The following ZNF527 variants were observed in gnomAD, a reference collection of about 807,000 sequenced individuals.
The protein encoded by ZNF527 is zinc finger protein 527.
In ZNF527, 5 loss-of-function variants were observed where a neutral mutation model predicts 13.5. The observed-to-expected ratio is 0.37, with a 90% CI of 0.19 to 0.78. The LOEUF is 0.78. Among genes scored for constraint, ZNF527 ranks in the 30% least tolerant of loss-of-function variants. The probability of loss-of-function intolerance (pLI) is 0.48; values close to 1 mark genes in which losing one functional copy is unlikely to be tolerated. For missense variants in ZNF527, 628 were observed against 726.4 expected (o/e 0.86, Z 1.56); for synonymous variants, 209 against 243.1 (o/e 0.86, Z 1.30).
intron 2 of ZNF527, among the ~76,000 whole-genome samples, chr19:37,375,317 T>TTCTTTTCTC (rs1568691593): frequency 6.8e-5 from 10 of 146,168 alleles, no homozygotes; most frequent in Non-Finnish European, 1.2e-4. Context: ...TTTCTTTTCT[T>TTCTTTTCTC]TCTTTCTTTC....
At chr19:37,385,970 A>G (rs1478458955) in intron 4 of ZNF527, among the ~76,000 whole-genome samples, 2 of 151,984 alleles carry the variant, frequency 1.3e-5, no homozygotes, top group African/African-American at 4.8e-5. Context: ...TGAGATGTAT[A>G]AGATAGTTCT....
At chr19:37,380,724 G>A (rs1392217318) in intron 4 of ZNF527, among the ~76,000 whole-genome samples, 1 of 152,034 alleles carries the variant, frequency 6.6e-6, no homozygotes, top group African/African-American at 2.4e-5. Context: ...TTAGGTTGGT[G>A]CAAAAATAAT....
At chr19:37,377,224 A>G (rs2040615458) in intron 2 of ZNF527, among the ~76,000 whole-genome samples, 1 of 152,192 alleles carries the variant, frequency 6.6e-6, no homozygotes, top group South Asian at 2.1e-4. Flanking sequence ...TTGGTAGTAA[A>G]AGGGAGAGAG....
chr19:37,382,669 C>T (rs1321802976), intron 4 of ZNF527, among the ~76,000 whole-genome samples: 1 of 152,118 alleles, frequency 6.6e-6, no homozygotes, highest in Non-Finnish European at 1.5e-5. Context: ...AGTCAAAATA[C>T]TATTTCCAAA....
In ZNF527 at chr19:37,374,247, C is replaced by A. The variant is rs771406273; in HGVS notation, c.33+16C>A. On this transcript the variant is annotated intron_variant, in intron 2 of 4. Transcript: ENST00000436120. ...CATGTCCCAGGTAAGCATGCTCTTT[C>A]ACTTTGTTTTCAGACATTTGACCTC... 1.2e-6 allele frequency: 2 copies of A among 1,613,772 alleles called. No homozygotes were observed. Among genetic ancestry groups the A allele is most frequent in the Non-Finnish European group, 1.7e-6 (2 of 1,179,804 alleles).
Position 37,392,660 on chromosome 19 carries a change from G to C in ZNF527, c.*2781G>C, listed in dbSNP as rs746701425. 1 of 152,156 alleles carries C rather than the reference G, an allele frequency of 6.6e-6. No individual in the cohort carries two copies. Among genetic ancestry groups the C allele is most frequent in the Admixed American group, 6.5e-5 (1 of 15,272 alleles). The allele number at this position is 152,156 out of a possible 1,614,324, so 9.4% of individuals were successfully genotyped here. A position where few individuals can be genotyped will look rare whatever the true frequency, so the allele number is the denominator to read the frequency against. ...CCATCTCGGCTTCCCAAAGTGCTGAGATTATAGGGATGAGTCACTGTGCAC... is the reference window on the plus strand; with the variant it reads ...CCATCTCGGCTTCCCAAAGTGCTGACATTATAGGGATGAGTCACTGTGCAC... On this transcript the variant is annotated 3_prime_UTR_variant, in exon 5 of 5. Coordinates refer to ENST00000436120, the MANE Select transcript of ZNF527 (RefSeq NM_032453.2).
rs1050024983 is a variant in ZNF527 at position 37,386,140 on chromosome 19, CTTTTTTTTTTT to C, written c.257-2154_257-2144del. On this transcript the variant is annotated intron_variant, in intron 4 of 4. Transcript: ENST00000436120. ...TAGAACTTTCTTTTCTCTTCTTTTC[CTTTTTTTTTTT>C]TTTTTTTTTTTGAGACAGTCTAGCT... Among the ~76,000 whole-genome samples, 4 of 72,464 alleles carry C rather than the reference CTTTTTTTTTTT, an allele frequency of 5.5e-5. No homozygotes were observed. The Admixed American group carries it at 6.2e-4, about 11-fold the overall frequency. 47.5% of individuals were successfully genotyped at this position (72,464 alleles called of 152,430 possible). A position where few individuals can be genotyped will look rare whatever the true frequency, so the allele number is the denominator to read the frequency against.
intron 3 of ZNF527, chr19:37,379,936 A>G (rs2040639461): frequency 5.4e-6 from 1 of 184,368 alleles, no homozygotes; most frequent in Admixed American, 5.6e-5. Flanking sequence ...CTGGGTTTTA[A>G]TAAACTCTCC....
chr19:37,375,017 G>C (rs1421243733), intron 2 of ZNF527, among the ~76,000 whole-genome samples: 1 of 152,190 alleles, frequency 6.6e-6, no homozygotes, highest in African/African-American at 2.4e-5. Context: ...AGGATTCGTT[G>C]TGGCATGTGA....
chr19:37,384,488 G>A (rs2040681672), intron 4 of ZNF527, among the ~76,000 whole-genome samples: 1 of 151,774 alleles, frequency 6.6e-6, no homozygotes, highest in Non-Finnish European at 1.5e-5. Flanking sequence ...AGGTGACAGA[G>A]CAAGACCCTG....
intron 2 of ZNF527, among the ~76,000 whole-genome samples, chr19:37,376,155 A>G (rs1341978533): frequency 1.3e-5 from 2 of 152,130 alleles, no homozygotes; most frequent in South Asian, 4.2e-4. Flanking sequence ...GCAGGGCAAC[A>G]CAGGGAGACT....
chr19:37,386,463 G>A (rs2146820924), intron 4 of ZNF527, among the ~76,000 whole-genome samples: 1 of 152,240 alleles, frequency 6.6e-6, no homozygotes, highest in African/African-American at 2.4e-5. Flanking sequence ...TTTCTCTGAT[G>A]ATGGAAATAA....
chr19:37,378,321 C>T (rs1169652022), intron 2 of ZNF527, among the ~76,000 whole-genome samples: 1 of 152,048 alleles, frequency 6.6e-6, no homozygotes, highest in Non-Finnish European at 1.5e-5. Context: ...AACCACTGCG[C>T]CTGGCCTGAT....
intron 1 of ZNF527, among the ~76,000 whole-genome samples, chr19:37,371,891 G>T (rs2040559764): frequency 6.6e-6 from 1 of 151,944 alleles, no homozygotes; most frequent in South Asian, 2.1e-4. Flanking sequence ...GAGATTGTGG[G>T]ATTGATGTAT....
At chr19:37,379,027 AC>A in intron 2 of ZNF527, 92 bp from the exon 3 acceptor site, 2 of 1,427,222 alleles carry the variant, frequency 1.4e-6, no homozygotes, top group Non-Finnish European at 1.9e-6. Flanking sequence ...TCCTCGCATC[AC>A]TTAGAGCTTT....
At chr19:37,374,363 C>A in intron 2 of ZNF527, 132 bp downstream of exon 2, 1 of 802,184 alleles carries the variant, frequency 1.2e-6, no homozygotes, top group Non-Finnish European at 2.1e-6. Flanking sequence ...TTCATATAAT[C>A]CTTCTACAAA....
intron 4 of ZNF527, among the ~76,000 whole-genome samples, chr19:37,382,922 G>T (rs2040666165): frequency 6.6e-6 from 1 of 152,008 alleles, no homozygotes; most frequent in Non-Finnish European, 1.5e-5. Flanking sequence ...GGCCAGGATG[G>T]TCTCAATCTC....
intron 1 of ZNF527, among the ~76,000 whole-genome samples, chr19:37,372,462 CTTTTCTTTTTTTTTTT>C (rs1396067847): frequency 1.9e-5 from 2 of 106,690 alleles, no homozygotes; most frequent in African/African-American, 9.2e-5. Context: ...CTTTTCTTTT[CTTTTCTTTTTTTTTTT>C]TTTTTTTTTT....
At chr19:37,386,615 A>C (rs2040702084) in intron 4 of ZNF527, among the ~76,000 whole-genome samples, 1 of 152,180 alleles carries the variant, frequency 6.6e-6, no homozygotes. Flanking sequence ...TGGCTACCGT[A>C]TTGGATAGCA....
Sources: allele counts gnomAD v4.1 joint callset (sites outside exome capture counted in the v4.1 genomes callset), GRCh38; gene constraint gnomAD v4.1.1; transcripts MANE v1.5; gene names NCBI Gene and HGNC (gene_info 2026-07-23, HGNC 2026-07-21).